The following IQSEC2 variants were observed in gnomAD, a reference collection of about 807,000 sequenced individuals.
The protein encoded by IQSEC2 is IQ motif and Sec7 domain ArfGEF 2.
IQSEC2 carries 6 observed loss-of-function variants against 74.6 expected under a neutral mutation model. That is an observed-to-expected ratio of 0.08 (90% CI 0.04 to 0.16). The LOEUF is 0.16. Ranked by LOEUF, IQSEC2 falls within the 10% of genes least tolerant of loss-of-function variation. The pLI is 1.00. For missense variants in IQSEC2, 734 were observed against 1,306.2 expected, an observed-to-expected ratio of 0.56 and a Z score of 6.75; for synonymous variants, 494 against 544.5, an observed-to-expected ratio of 0.91 and a Z score of 1.29.
intron 10 of IQSEC2, among the ~76,000 whole-genome samples, chrX:53,240,603 C>T (rs1378110054): frequency 8.9e-6 from 1 of 112,039 alleles, no homozygotes; most frequent in Non-Finnish European, 1.9e-5. Flanking sequence ...AGGCAACTGG[C>T]TGCCTTAGAG....
intron 2 of IQSEC2, among the ~76,000 whole-genome samples, chrX:53,261,173 C>T (rs781853724): frequency 9.0e-6 from 1 of 111,480 alleles, no homozygotes; most frequent in South Asian, 3.8e-4. Flanking sequence ...CCCAGAACAA[C>T]ACTCGGGGAC....
At chrX:53,239,329 G>A (rs375515184) in intron 10 of IQSEC2, 35 bp from the exon 11 acceptor site, 93 of 924,341 alleles carry the variant, frequency 1.0e-4, no homozygotes, top group Admixed American at 2.9e-4. Flanking sequence ...AAGAGGCAGC[G>A]CTTTGGGTGG....
intron 1 of IQSEC2, among the ~76,000 whole-genome samples, chrX:53,296,328 C>A (rs1556874292): frequency 9.0e-6 from 1 of 111,180 alleles, no homozygotes; most frequent in Non-Finnish European, 1.9e-5. Flanking sequence ...AGCCACCGCG[C>A]CTGGCCCAGA....
In IQSEC2 at chrX:53,321,190, T is replaced by C; in HGVS notation, c.-67A>G. 3.2e-6 allele frequency: 2 copies of C among 621,085 alleles called. No homozygotes were observed. Among genetic ancestry groups the C allele is most frequent in the Non-Finnish European group, 2.3e-6 (1 of 434,710 alleles). The allele number at this position is 621,085 out of a possible 1,213,427, so 51.2% of individuals were successfully genotyped here. A position where few individuals can be genotyped will look rare whatever the true frequency, so the allele number is the denominator to read the frequency against. On this transcript the variant is annotated 5_prime_UTR_variant, in exon 1 of 15. Transcript: ENST00000642864. ...TCCCCGCTCTCTCACGGCGCCACCCTCCCCCGGGCCCAGCCGGGGGAGGGG... is the reference window on the plus strand; with the variant it reads ...TCCCCGCTCTCTCACGGCGCCACCCCCCCCCGGGCCCAGCCGGGGGAGGGG...
Position 53,250,530 on chromosome X carries a change from C to T in IQSEC2, c.2046G>A (p.Gly682=), listed in dbSNP as rs782567023. 1.7e-6 allele frequency: 2 copies of T among 1,211,957 alleles called. No individual in the cohort carries two copies. The highest frequency in any genetic ancestry group is 2.2e-6 in the Non-Finnish European group (2 of 895,588). Reference sequence around the variant, plus strand: ...AGTTCTCGCCTGCTGCCTCGCACTTCCCCAACCTCCGACCCCCAGCCACAC... The same window carrying T: ...AGTTCTCGCCTGCTGCCTCGCACTTTCCCAACCTCCGACCCCCAGCCACAC... ...PSGVAGGRRL[G]KCEAAGENSD... The change falls in exon 5 of 15, where the codon GGG becomes GGA. Residue 682 remains glycine (G), a synonymous_variant. Coordinates refer to ENST00000642864, the MANE Select transcript of IQSEC2 (RefSeq NM_001111125.3).
rs147991726 is a variant in IQSEC2 at position 53,298,080 on chromosome X, A to C, written c.708-6156T>G. On this transcript the variant is annotated intron_variant, in intron 1 of 14. Transcript: ENST00000642864. ...GGGAGGCGGAGGTTGCAGTGAGCTA[A>C]GATCGCGCCACTGCACTCCAGACCG... is the stretch of plus-strand genomic sequence containing the variant. Among the ~76,000 whole-genome samples the C allele has an allele frequency of 6.6e-3, 744 of 112,066 alleles. 10 individuals carry two copies. The highest frequency in any genetic ancestry group is 0.023 in the African/African-American group (701 of 30,846).
chrX:53,311,131 A>AAAAAAAAAAAAAAAAAAAG (rs1472857475), intron 1 of IQSEC2, among the ~76,000 whole-genome samples: 2 of 95,978 alleles, frequency 2.1e-5, no homozygotes, highest in African/African-American at 3.7e-5. Context: ...CAAAAAAAAA[A>AAAAAAAAAAAAAAAAAAAG]AAAAGAAAAG....
chrX:53,268,208 G>T (rs2074688679), intron 2 of IQSEC2, among the ~76,000 whole-genome samples: 1 of 111,424 alleles, frequency 9.0e-6, no homozygotes, highest in Non-Finnish European at 1.9e-5. Flanking sequence ...TTGGCTCAGG[G>T]GATGCAGGAA....
chrX:53,304,323 T>C (rs1433478082), intron 1 of IQSEC2, among the ~76,000 whole-genome samples: 3 of 111,902 alleles, frequency 2.7e-5, no homozygotes, highest in East Asian at 5.6e-4. Flanking sequence ...AGAAAGCTTG[T>C]TGGATACTGG....
At chrX:53,275,778 C>G (rs2074821424) in intron 2 of IQSEC2, among the ~76,000 whole-genome samples, 1 of 91,798 alleles carries the variant, frequency 1.1e-5, no homozygotes, top group South Asian at 6.2e-4. Flanking sequence ...ACTGCAAACT[C>G]TGCCTCCCAG....
chrX:53,266,725 TTA>T (rs2074663212), intron 2 of IQSEC2: 12 of 923,866 alleles, frequency 1.3e-5, no homozygotes, highest in Non-Finnish European at 1.5e-5. Flanking sequence ...CTCCCACATT[TTA>T]GTCGGACCTA....
At chrX:53,265,638 T>C (rs1429873282) in intron 2 of IQSEC2, among the ~76,000 whole-genome samples, 2 of 111,374 alleles carry the variant, frequency 1.8e-5, no homozygotes, top group African/African-American at 6.5e-5. Context: ...AGACACATCA[T>C]GGAAGGTGTG....
chrX:53,256,951 G>C (rs2074483245), intron 2 of IQSEC2, among the ~76,000 whole-genome samples: 1 of 112,218 alleles, frequency 8.9e-6, no homozygotes, highest in Non-Finnish European at 1.9e-5. Flanking sequence ...ATGGTGCCAT[G>C]GCAACCAGGC....
At chrX:53,282,706 T>C (rs922974154) in intron 2 of IQSEC2, among the ~76,000 whole-genome samples, 4 of 111,446 alleles carry the variant, frequency 3.6e-5, no homozygotes, top group African/African-American at 1.3e-4. Context: ...TGTGGGTCCT[T>C]AGTGACCTTC....
At chrX:53,319,828 TCCATCTTTGCTCCC>T (rs2075411376) in intron 1 of IQSEC2, among the ~76,000 whole-genome samples, 2 of 110,689 alleles carry the variant, frequency 1.8e-5, no homozygotes, top group African/African-American at 3.3e-5. Flanking sequence ...GGGCTTGGCC[TCCATCTTTGCTCCC>T]CCATCTTTGC....
intron 8 of IQSEC2, among the ~76,000 whole-genome samples, chrX:53,245,537 T>C (rs1338854314): frequency 9.0e-6 from 1 of 111,534 alleles, no homozygotes; most frequent in Admixed American, 9.5e-5. Context: ...TAAAGGAACA[T>C]ACTACATCGC....
chrX:53,320,949 G>T lies in IQSEC2; in HGVS notation c.175C>A (p.Arg59Ser). 3 of 1,161,659 alleles carry T rather than the reference G, an allele frequency of 2.6e-6. No homozygotes were observed. The highest frequency in any genetic ancestry group is 3.4e-6 in the Non-Finnish European group (3 of 872,488). ...AGCTGGCTCTCCTCTCGCAGGTCGCGGTTCTCCTGGGTGAGCTGGTCCAGC... is the reference window on the plus strand; with the variant it reads ...AGCTGGCTCTCCTCTCGCAGGTCGCTGTTCTCCTGGGTGAGCTGGTCCAGC... ...GQLDQLTQENRDLREESQLHR... is the reference protein window; with the variant it reads ...GQLDQLTQENSDLREESQLHR... Residue 59 changes from arginine (R) to serine (S), a missense_variant, in exon 1 of 15, where the codon CGC (arginine) becomes AGC (serine). By Grantham distance (110) the Arg-to-Ser change is moderately radical. Coordinates refer to ENST00000642864, the MANE Select transcript of IQSEC2 (RefSeq NM_001111125.3).
At chrX:53,312,721 T>C in intron 1 of IQSEC2, among the ~76,000 whole-genome samples, 1 of 112,694 alleles carries the variant, frequency 8.9e-6, no homozygotes, top group Non-Finnish European at 1.9e-5. Flanking sequence ...TATACAGTTG[T>C]GAGAGATGCC....
At chrX:53,240,614 G>A (rs2074202290) in intron 10 of IQSEC2, among the ~76,000 whole-genome samples, 1 of 112,074 alleles carries the variant, frequency 8.9e-6, no homozygotes, top group African/African-American at 3.2e-5. Context: ...TGCCTTAGAG[G>A]AAGGCGGCTT....
Sources: gnomAD v4.1 joint callset for allele counts (sites outside exome capture counted in the v4.1 genomes callset) on GRCh38, gnomAD v4.1.1 for gene constraint, MANE v1.5 for transcripts, NCBI Gene and HGNC (gene_info 2026-07-23, HGNC 2026-07-21) for gene names.